NPAS3: variants seen among roughly 807,000 people sequenced by gnomAD.
NPAS3 encodes neuronal PAS domain protein 3.
A neutral mutation model predicts 73.1 loss-of-function variants in NPAS3; 14 were observed. The ratio of observed to expected loss-of-function variants is 0.19; its 90% CI spans 0.13 to 0.30. NPAS3 has a LOEUF of 0.30. NPAS3 is among the 10% of genes least tolerant of loss of function. The probability of loss-of-function intolerance (pLI) is 1.00; values close to 1 mark genes in which losing one functional copy is unlikely to be tolerated. For synonymous variants in NPAS3, 620 were observed against 541.5 expected (o/e 1.14, Z -2.01); for missense variants, 1,096 against 1,250.0 (o/e 0.88, Z 1.86).
At chr14:33,452,388 A>G (rs1231852418) in intron 4 of NPAS3, among the ~76,000 whole-genome samples, 1 of 152,174 alleles carries the variant, frequency 6.6e-6, no homozygotes, top group Non-Finnish European at 1.5e-5. Flanking sequence ...AAAGCCTCTA[A>G]TTTTCTAGTT....
intron 5 of NPAS3, among the ~76,000 whole-genome samples, chr14:33,655,767 A>T (rs1400049479): frequency 2.6e-5 from 4 of 152,074 alleles, no homozygotes; most frequent in Non-Finnish European, 5.9e-5. Context: ...TGAAGAGTAC[A>T]AGACTGCAAG....
At chr14:33,367,338 T>A (rs542891638) in intron 4 of NPAS3, 70 bp downstream of exon 4, 26 of 710,996 alleles carry the variant, frequency 3.7e-5, no homozygotes, top group Non-Finnish European at 5.3e-5. Context: ...GTCTTTTTTT[T>A]AAAGAATTTT....
intron 6 of NPAS3, among the ~76,000 whole-genome samples, chr14:33,721,450 A>C (rs2061107874): frequency 6.6e-6 from 1 of 152,184 alleles, no homozygotes; most frequent in Non-Finnish European, 1.5e-5. Flanking sequence ...TTTAAAGACT[A>C]TGACTTGTGA....
chr14:33,115,753 A>G (rs1482633937), intron 2 of NPAS3, among the ~76,000 whole-genome samples: 1 of 152,168 alleles, frequency 6.6e-6, no homozygotes, highest in Non-Finnish European at 1.5e-5. Context: ...TTGTTTTGAT[A>G]GAGACTTTGG....
chr14:32,978,409 G>A (rs998999502), intron 1 of NPAS3, among the ~76,000 whole-genome samples: 2 of 152,148 alleles, frequency 1.3e-5, no homozygotes, highest in Non-Finnish European at 2.9e-5. Context: ...TGTATTTTGC[G>A]TGAATAGAGT....
chr14:33,149,840 G>T (rs1193321977), intron 2 of NPAS3, among the ~76,000 whole-genome samples: 1 of 152,070 alleles, frequency 6.6e-6, no homozygotes, highest in Non-Finnish European at 1.5e-5. Context: ...GAATGTGCAG[G>T]TTTGTTACAT....
At chr14:33,228,135 A>G (rs780520819) in intron 3 of NPAS3, among the ~76,000 whole-genome samples, 21 of 152,200 alleles carry the variant, frequency 1.4e-4, no homozygotes, top group Non-Finnish European at 2.4e-4. Flanking sequence ...TTTAGTACAC[A>G]TTCTAATTAG....
At chr14:33,568,981 A>G (rs1759700521) in intron 5 of NPAS3, among the ~76,000 whole-genome samples, 2 of 152,184 alleles carry the variant, frequency 1.3e-5, no homozygotes, top group East Asian at 1.9e-4. Context: ...GTATCTTTTG[A>G]TGCATTTTTG....
intron 1 of NPAS3, among the ~76,000 whole-genome samples, chr14:33,051,485 C>T (rs1046244369): frequency 4.6e-5 from 7 of 152,096 alleles, no homozygotes; most frequent in South Asian, 2.1e-4. Context: ...GACCCTGTTT[C>T]GTTGCATTTG....
chr14:33,787,451 T>A (rs1211292163), intron 9 of NPAS3, among the ~76,000 whole-genome samples: 1 of 151,980 alleles, frequency 6.6e-6, no homozygotes, highest in Admixed American at 6.5e-5. Context: ...AAGCAGGGCC[T>A]GTCATTAGCG....
chr14:33,511,035 A>G (rs1388836259), intron 4 of NPAS3, among the ~76,000 whole-genome samples: 1 of 152,018 alleles, frequency 6.6e-6, no homozygotes, highest in East Asian at 1.9e-4. Context: ...GCTGGTGTTG[A>G]GTGGATAATT....
intron 5 of NPAS3, among the ~76,000 whole-genome samples, chr14:33,635,818 C>T (rs1055839516): frequency 2.0e-5 from 3 of 152,210 alleles, no homozygotes; most frequent in Non-Finnish European, 4.4e-5. Flanking sequence ...TTGAGATCCT[C>T]TTCTCTGTGA....
At chr14:32,981,876 C>T (rs1357835938) in intron 1 of NPAS3, among the ~76,000 whole-genome samples, 1 of 152,202 alleles carries the variant, frequency 6.6e-6, no homozygotes, top group African/African-American at 2.4e-5. Flanking sequence ...GGCTTCCTTG[C>T]TAGATGATCT....
At chr14:33,233,687 C>T (rs539432454) in intron 3 of NPAS3, among the ~76,000 whole-genome samples, 1 of 152,050 alleles carries the variant, frequency 6.6e-6, no homozygotes, top group South Asian at 2.1e-4. Flanking sequence ...ATATTTAGTG[C>T]TGTTAGGATT....
intron 3 of NPAS3, among the ~76,000 whole-genome samples, chr14:33,269,811 G>A (rs901107886): frequency 1.3e-5 from 2 of 152,120 alleles, no homozygotes; most frequent in Non-Finnish European, 1.5e-5. Context: ...AGGGAAGCAG[G>A]GAGGGGGGTA....
intron 4 of NPAS3, among the ~76,000 whole-genome samples, chr14:33,421,945 GT>G (rs1197153867): frequency 2.6e-5 from 4 of 151,836 alleles, no homozygotes; most frequent in Admixed American, 2.0e-4. Context: ...TAATTTTTGA[GT>G]TTTTTTCTAT....
At chr14:33,736,822 A>G (rs1455917342) in intron 7 of NPAS3, among the ~76,000 whole-genome samples, 1 of 152,190 alleles carries the variant, frequency 6.6e-6, no homozygotes, top group African/African-American at 2.4e-5. Context: ...TATAGTTTCA[A>G]AAAGCAATAT....
intron 6 of NPAS3, among the ~76,000 whole-genome samples, chr14:33,708,811 G>A (rs904304755): frequency 2.0e-5 from 3 of 152,180 alleles, no homozygotes; most frequent in Non-Finnish European, 4.4e-5. Context: ...GAGGAGCCCA[G>A]GTCATTCCAG....
At chr14:33,210,585 G>A (rs1249066611) in intron 2 of NPAS3, among the ~76,000 whole-genome samples, 1 of 152,078 alleles carries the variant, frequency 6.6e-6, no homozygotes, top group Non-Finnish European at 1.5e-5. Flanking sequence ...AGATCATCTT[G>A]TCTAGAAGTA....
Sources: allele counts gnomAD v4.1 joint callset (sites outside exome capture counted in the v4.1 genomes callset), GRCh38; gene constraint gnomAD v4.1.1; transcripts MANE v1.5; gene names NCBI Gene and HGNC (gene_info 2026-07-23, HGNC 2026-07-21).